The following EPB41L1 variants were observed in gnomAD, a reference collection of about 807,000 sequenced individuals.
The protein encoded by EPB41L1 is erythrocyte membrane protein band 4.1 like 1.
EPB41L1 carries 29 observed loss-of-function variants against 97.8 expected under a neutral mutation model. That is an observed-to-expected ratio of 0.30 (90% CI 0.22 to 0.40). EPB41L1 has a LOEUF of 0.40. Among genes scored for constraint, EPB41L1 ranks in the 10% least tolerant of loss-of-function variants. The pLI, the probability that EPB41L1 is intolerant of heterozygous loss-of-function variation, is 1.00. For synonymous variants in EPB41L1, 383 were observed against 459.2 expected (o/e 0.83, Z 2.12); for missense variants, 812 against 1,162.3 (o/e 0.70, Z 4.38).
At chr20:36,202,954 GCT>G (rs1048108939) in intron 14 of EPB41L1, among the ~76,000 whole-genome samples, 6 of 152,276 alleles carry the variant, frequency 3.9e-5, no homozygotes, top group Admixed American at 2.0e-4. Context: ...AGCCCAACTG[GCT>G]CTGTTTCTCC....
At chr20:36,138,950 G>GC (rs2059530009) in intron 2 of EPB41L1, among the ~76,000 whole-genome samples, 1 of 152,168 alleles carries the variant, frequency 6.6e-6, no homozygotes, top group African/African-American at 2.4e-5. Context: ...TTAAGTAAAG[G>GC]CCCTTTGACT....
At chr20:36,096,132 G>T (rs571254457) in intron 1 of EPB41L1, among the ~76,000 whole-genome samples, 1 of 152,232 alleles carries the variant, frequency 6.6e-6, no homozygotes, top group East Asian at 1.9e-4. Context: ...ACAAACACAG[G>T]TAATTCTTAT....
At chr20:36,118,655 C>G (rs1476310141) in intron 2 of EPB41L1, among the ~76,000 whole-genome samples, 1 of 152,130 alleles carries the variant, frequency 6.6e-6, no homozygotes, top group Non-Finnish European at 1.5e-5. Context: ...TGAATTATAT[C>G]TCAATTTTTT....
Position 36,173,786 on chromosome 20 carries a change from A to G in EPB41L1, c.9A>G (p.Thr3=). 6.2e-7 allele frequency: 1 copy of G among 1,614,142 alleles called. No individual in the cohort carries two copies. The highest frequency in any genetic ancestry group is 1.1e-5 in the South Asian group (1 of 91,072). ...CAGGCGTGCTGGTCACCATGACAAC[A>G]GAGACAGGCCCCGACTCTGAGGTGA... The part of the protein sequence containing the change: MT[T]ETGPDSEVKK... Residue 3 remains threonine (T), a synonymous_variant, in exon 2 of 22, where the codon ACA becomes ACG. Coordinates refer to ENST00000338074, the MANE Select transcript of EPB41L1 (RefSeq NM_012156.2).
At chr20:36,152,958 C>T, upstream of EPB41L1, 1 of 456,218 alleles carries the variant, frequency 2.2e-6, no homozygotes, top group Non-Finnish European at 4.4e-6. Context: ...TTCCCACCTT[C>T]TGTCTGGAGG....
At chr20:36,154,099 T>C (rs2060168641), upstream of EPB41L1, among the ~76,000 whole-genome samples, 1 of 152,142 alleles carries the variant, frequency 6.6e-6, no homozygotes, top group Admixed American at 6.5e-5. This position sits in a 1 kb window ranked among gnomAD's most constrained non-coding sequence, Gnocchi z 5.5. Context: ...AATGTACACA[T>C]AGACACCCTC....
chr20:36,216,317 G>T (rs1349271968), intron 17 of EPB41L1, among the ~76,000 whole-genome samples: 1 of 152,190 alleles, frequency 6.6e-6, no homozygotes, highest in Non-Finnish European at 1.5e-5. Context: ...AGTGCAAAGG[G>T]CAGAAGGGAA....
intron 2 of EPB41L1, among the ~76,000 whole-genome samples, chr20:36,143,000 ACT>A (rs1292167509): frequency 6.6e-6 from 1 of 151,980 alleles, no homozygotes; most frequent in Non-Finnish European, 1.5e-5. Flanking sequence ...GGCAGCAGTA[ACT>A]CTGACAGAGT....
chr20:36,137,722 C>T (rs2059473827), intron 2 of EPB41L1, among the ~76,000 whole-genome samples: 2 of 151,918 alleles, frequency 1.3e-5, no homozygotes, highest in African/African-American at 2.4e-5. Flanking sequence ...TGAGTTTTCT[C>T]CATCTTGGCC....
upstream of EPB41L1, chr20:36,152,168 C>A (rs776539967): frequency 6.6e-6 from 1 of 151,724 alleles, no homozygotes; most frequent in Admixed American, 6.6e-5. Context: ...GCAGATGACA[C>A]ACAAAAGTAT....
At chr20:36,183,003 C>T (rs566409785) in intron 6 of EPB41L1, among the ~76,000 whole-genome samples, 83 of 152,226 alleles carry the variant, frequency 5.5e-4, no homozygotes, top group African/African-American at 1.9e-3. Flanking sequence ...TGTGCAGTCT[C>T]GTTGTGCCTC....
rs1207837365 is a variant in EPB41L1, at chr20:36,213,349, G to A, written c.2184+973G>A. ...GGAGGTCGAAGCTGCAGTGAACTAT[G>A]AGCTATGATTCCACCACTGCATTCC... On this transcript the variant is annotated intron_variant, in intron 16 of 21. Transcript: ENST00000338074. Among the ~76,000 whole-genome samples, 7 of 152,128 alleles carry A rather than the reference G, an allele frequency of 4.6e-5. No homozygotes were observed. The East Asian group carries it at 1.2e-3, about 25-fold the overall frequency.
intron 11 of EPB41L1, among the ~76,000 whole-genome samples, chr20:36,193,495 TACCAAGAC>T (rs2062050323): frequency 6.6e-6 from 1 of 152,220 alleles, no homozygotes; most frequent in Non-Finnish European, 1.5e-5. Flanking sequence ...GCCTATTTTC[TACCAAGAC>T]ACAATCCACG....
At chr20:36,196,940 A>G (rs2062233322) in intron 13 of EPB41L1, among the ~76,000 whole-genome samples, 1 of 152,212 alleles carries the variant, frequency 6.6e-6, no homozygotes, top group African/African-American at 2.4e-5. Context: ...AACACTACCC[A>G]TATAGGTAGA....
intron 1 of EPB41L1, among the ~76,000 whole-genome samples, chr20:36,096,318 T>C (rs1476529847): frequency 1.3e-5 from 2 of 152,178 alleles, no homozygotes; most frequent in African/African-American, 4.8e-5. Flanking sequence ...GACAAGTCTC[T>C]CCTTCAGTGA....
chr20:36,189,053 T>C (rs897647075), intron 9 of EPB41L1, among the ~76,000 whole-genome samples: 3 of 152,120 alleles, frequency 2.0e-5, no homozygotes, highest in African/African-American at 2.4e-5. Context: ...CACACACAAA[T>C]GCAAACATGT....
At chr20:36,222,805 G>C (rs2063863426) in intron 21 of EPB41L1, among the ~76,000 whole-genome samples, 1 of 152,164 alleles carries the variant, frequency 6.6e-6, no homozygotes, top group East Asian at 1.9e-4. Context: ...CCACGTTCCT[G>C]GCCCTGAGTC....
chr20:36,111,646 G>C (rs1002050249), intron 1 of EPB41L1, among the ~76,000 whole-genome samples: 6 of 152,086 alleles, frequency 3.9e-5, no homozygotes, highest in African/African-American at 1.4e-4. Flanking sequence ...AATTAGCCGG[G>C]CGTTGTGGCG....
At chr20:36,205,971 C>A (rs766862966) in intron 14 of EPB41L1, 1 of 1,289,844 alleles carries the variant, frequency 7.8e-7, no homozygotes. Context: ...TCCTTGCCAA[C>A]GGCAGACTCT....
Sources: gnomAD v4.1 joint callset for allele counts (sites outside exome capture counted in the v4.1 genomes callset) on GRCh38, gnomAD v4.1.1 for gene constraint, Gnocchi (gnomAD v3.1) non-coding constraint, MANE v1.5 for transcripts, NCBI Gene and HGNC (gene_info 2026-07-23, HGNC 2026-07-21) for gene names.